CD44: variants seen among roughly 807,000 people sequenced by gnomAD.
CD44 encodes CD44 molecule (IN blood group), also known as CD44 antigen.
CD44 carries 49 observed loss-of-function variants against 88.8 expected under a neutral mutation model. The observed-to-expected ratio is 0.55, with a 90% CI of 0.44 to 0.70. CD44 has a LOEUF of 0.70. Among genes scored for constraint, CD44 ranks in the 30% least tolerant of loss-of-function variants. CD44 has a pLI of 0.00. For missense variants in CD44, 883 were observed against 913.8 expected (o/e 0.97, Z 0.43); for synonymous variants, 325 against 312.3 (o/e 1.04, Z -0.43).
At chr11:35,200,264 C>T (rs182458460) in intron 7 of CD44, among the ~76,000 whole-genome samples, 65 of 152,246 alleles carry the variant, frequency 4.3e-4, no homozygotes, top group African/African-American at 1.5e-3. Context: ...TAACCTTTCA[C>T]AAAACATGTT....
chr11:35,148,097 A>C (rs1859557643), intron 1 of CD44, among the ~76,000 whole-genome samples: 1 of 152,124 alleles, frequency 6.6e-6, no homozygotes, highest in Non-Finnish European at 1.5e-5. Flanking sequence ...GTCTCAAAAA[A>C]AAAAAAGGTG....
At chr11:35,140,741 C>T (rs527342884) in intron 1 of CD44, among the ~76,000 whole-genome samples, 4 of 152,236 alleles carry the variant, frequency 2.6e-5, no homozygotes, top group African/African-American at 7.2e-5. Flanking sequence ...AACAACACAG[C>T]CTGTCATGGT....
intron 3 of CD44, among the ~76,000 whole-genome samples, chr11:35,184,000 G>A (rs1425644013): frequency 2.0e-5 from 3 of 152,100 alleles, no homozygotes; most frequent in African/African-American, 7.2e-5. Flanking sequence ...TGTTTCTCTT[G>A]GTTATTTTGG....
At chr11:35,159,834 C>A (rs754314642) in intron 1 of CD44, among the ~76,000 whole-genome samples, 16 of 152,244 alleles carry the variant, frequency 1.1e-4, no homozygotes, top group Non-Finnish European at 2.1e-4. Flanking sequence ...TTTAACACTA[C>A]ACTGCAAGTT....
intron 11 of CD44, among the ~76,000 whole-genome samples, chr11:35,206,669 T>TGGGGGGGGGGTGTGGGGG (rs57972216): frequency 6.8e-6 from 1 of 146,084 alleles, no homozygotes; most frequent in Non-Finnish European, 1.5e-5. Context: ...TGGGGGTTGG[T>TGGGGGGGGGGTGTGGGGG]GGGGGGGGCA....
chr11:35,143,238 C>G (rs1286126885), intron 1 of CD44, among the ~76,000 whole-genome samples: 1 of 151,882 alleles, frequency 6.6e-6, no homozygotes, highest in African/African-American at 2.4e-5. Flanking sequence ...CCTCCTGGAA[C>G]ATCGCTAGAT....
chr11:35,156,691 G>A (rs968623376), intron 1 of CD44, among the ~76,000 whole-genome samples: 6 of 152,080 alleles, frequency 3.9e-5, no homozygotes, highest in Non-Finnish European at 8.8e-5. Flanking sequence ...ACTGAGCTTG[G>A]CTCCAACTAC....
chr11:35,180,615 T>C (rs1356989498), intron 3 of CD44, among the ~76,000 whole-genome samples: 1 of 152,200 alleles, frequency 6.6e-6, no homozygotes, highest in African/African-American at 2.4e-5. Context: ...TTAAATACCA[T>C]TCAGGACTGT....
At chr11:35,140,818 G>A (rs1295490711) in intron 1 of CD44, among the ~76,000 whole-genome samples, 1 of 152,160 alleles carries the variant, frequency 6.6e-6, no homozygotes, top group Admixed American at 6.5e-5. Context: ...TCAGGAGTTT[G>A]AGACCAGCCT....
At chr11:35,224,790 GAAA>G (rs1163143167) in intron 17 of CD44, among the ~76,000 whole-genome samples, 1 of 152,008 alleles carries the variant, frequency 6.6e-6, no homozygotes, top group East Asian at 1.9e-4. Flanking sequence ...CTAAAGAGGA[GAAA>G]AAAACATGAG....
chr11:35,143,258 C>A (rs578031979), intron 1 of CD44, among the ~76,000 whole-genome samples: 2 of 151,720 alleles, frequency 1.3e-5, no homozygotes, highest in Non-Finnish European at 2.9e-5. Flanking sequence ...TGGTCAGGAG[C>A]ACCAAAGTTT....
intron 1 of CD44, among the ~76,000 whole-genome samples, chr11:35,172,956 AT>A (rs1944074705): frequency 6.6e-6 from 1 of 152,208 alleles, no homozygotes; most frequent in Admixed American, 6.5e-5. Context: ...GGATGCATGT[AT>A]TGTCAGTGAA....
chr11:35,152,459 C>T (rs1264722126), intron 1 of CD44, among the ~76,000 whole-genome samples: 1 of 152,222 alleles, frequency 6.6e-6, no homozygotes, highest in Non-Finnish European at 1.5e-5. Context: ...TGACCTTGGG[C>T]TATTGGCTTT....
At chr11:35,202,219 G>A (rs1327522274) in intron 9 of CD44, among the ~76,000 whole-genome samples, 1 of 151,996 alleles carries the variant, frequency 6.6e-6, no homozygotes, top group African/African-American at 2.4e-5. Context: ...TTTGCATTCT[G>A]TCCCTGACTG....
At chr11:35,171,241 C>T (rs1349303476) in intron 1 of CD44, among the ~76,000 whole-genome samples, 2 of 152,176 alleles carry the variant, frequency 1.3e-5, no homozygotes, top group Non-Finnish European at 2.9e-5. Context: ...AAAATGTTGG[C>T]TCCTTTTAAG....
At position 35,196,660 on chromosome 11, in the gene CD44, G is replaced by C. The variant is rs892826021; in HGVS notation, c.668-86G>C. 6 of 1,386,834 alleles carry C rather than the reference G, an allele frequency of 4.3e-6. No homozygotes were observed. In the African/African-American group the frequency reaches 7.2e-5, roughly 17 times the overall value. The allele number at this position is 1,386,834 out of a possible 1,614,324, so 85.9% of individuals were successfully genotyped here. A position where few individuals can be genotyped will look rare whatever the true frequency, so the allele number is the denominator to read the frequency against. ...CAAATATAGATGATTCTCTTGAGTA[G>C]TAAAAGAGTACAAGCATATTCAATG... On this transcript the variant is annotated intron_variant, in intron 5 of 17. Coordinates refer to ENST00000428726, the MANE Select transcript of CD44 (RefSeq NM_000610.4).
chr11:35,141,361 GT>G (rs1857891616), intron 1 of CD44, among the ~76,000 whole-genome samples: 1 of 152,210 alleles, frequency 6.6e-6, no homozygotes, highest in Non-Finnish European at 1.5e-5. Context: ...CTTAGGGAAA[GT>G]TCCAAAAGGG....
intron 8 of CD44, 41 bp from the exon 9 acceptor site, chr11:35,201,630 T>C: frequency 1.2e-6 from 2 of 1,610,450 alleles, no homozygotes; most frequent in Non-Finnish European, 1.7e-6. Context: ...TAAAGATTGG[T>C]TGATAACAAG....
chr11:35,207,657 GA>G (rs561813723), intron 11 of CD44, among the ~76,000 whole-genome samples: 89 of 152,050 alleles, frequency 5.9e-4, no homozygotes, highest in Non-Finnish European at 1.2e-3. Context: ...ACTTTGTGAA[GA>G]AAAAAAGACT....
Sources: allele counts gnomAD v4.1 joint callset (sites outside exome capture counted in the v4.1 genomes callset), GRCh38; gene constraint gnomAD v4.1.1; transcripts MANE v1.5; gene names NCBI Gene and HGNC (gene_info 2026-07-23, HGNC 2026-07-21).